SYNC: variants seen among roughly 807,000 people sequenced by gnomAD.
SYNC encodes the protein syncoilin, intermediate filament protein.
Under a neutral mutation model 49.5 loss-of-function variants are expected in SYNC, and 38 were observed. The ratio of observed to expected loss-of-function variants is 0.77; its 90% CI spans 0.59 to 1.01. The LOEUF (loss-of-function observed/expected upper bound fraction) is 1.01. Ranked by LOEUF, SYNC falls within the 50% of genes least tolerant of loss-of-function variation. The pLI is 0.00. For missense variants in SYNC, 579 were observed against 580.6 expected (o/e 1.00, Z 0.03); for synonymous variants, 201 against 230.8 (o/e 0.87, Z 1.17).
Position 32,680,440 on chromosome 1 carries a change from TGTC to T in SYNC, c.*1407_*1409del, listed in dbSNP as rs1649363935. ...CCTGACAGTTATACCACAGGTAGAC[TGTC>T]AAGTTGAGAAGAGTGAATCAATAAC... On this transcript the variant is annotated 3_prime_UTR_variant, in exon 5 of 5. Transcript: ENST00000409190. 2.0e-6 allele frequency: 3 copies of T among 1,474,204 alleles called. No individual in the cohort carries two copies. Among genetic ancestry groups the T allele is most frequent in the Non-Finnish European group, 1.8e-6 (2 of 1,108,040 alleles). The allele number at this position is 1,474,204 out of a possible 1,614,324, so 91.3% of individuals were successfully genotyped here.
At chr1:32,701,305 GCC>G (rs1650660955) in intron 1 of SYNC, among the ~76,000 whole-genome samples, 1 of 152,166 alleles carries the variant, frequency 6.6e-6, no homozygotes, top group African/African-American at 2.4e-5. Flanking sequence ...CTCCCAGACA[GCC>G]CCATGTGTGT....
chr1:32,680,457 T>C lies in SYNC; in HGVS notation c.*1393A>G. 6.6e-7 allele frequency: 1 copy of C among 1,525,410 alleles called. No individual in the cohort carries two copies. The highest frequency in any genetic ancestry group is 8.8e-7 in the Non-Finnish European group (1 of 1,136,708). The allele number at this position is 1,525,410 out of a possible 1,614,324, so 94.5% of individuals were successfully genotyped here. A position where few individuals can be genotyped will look rare whatever the true frequency, so the allele number is the denominator to read the frequency against. ...AGGTAGACTGTCAAGTTGAGAAGAGTGAATCAATAACTTGTATTTGTTTTA... is the reference window on the plus strand; with the variant it reads ...AGGTAGACTGTCAAGTTGAGAAGAGCGAATCAATAACTTGTATTTGTTTTA... On this transcript the variant is annotated 3_prime_UTR_variant, in exon 5 of 5. Coordinates refer to ENST00000409190, the MANE Select transcript of SYNC (RefSeq NM_030786.3).
rs752263712 is a variant in SYNC, at chr1:32,681,833, G to C, written c.*17C>G. Reference sequence around the variant, plus strand: ...AGTTTTTTGCTGTTTCCGGGTTACAGATTTGGCCATATATTTCTAAACAGC... The same window carrying C: ...AGTTTTTTGCTGTTTCCGGGTTACACATTTGGCCATATATTTCTAAACAGC... On this transcript the variant is annotated 3_prime_UTR_variant, in exon 5 of 5. Coordinates refer to ENST00000409190, the MANE Select transcript of SYNC (RefSeq NM_030786.3). The C allele has an allele frequency of 5.1e-5, 83 of 1,614,174 alleles. 1 individual carries two copies. In the South Asian group the frequency reaches 8.0e-4, roughly 16 times the overall value.
rs1649659576 is a variant in SYNC at position 32,684,272 on chromosome 1, C to T, written c.1344G>A (p.Glu448=). 1 of 1,614,078 alleles carries T rather than the reference C, an allele frequency of 6.2e-7. No homozygotes were observed. ...CAGAAACTGACTTATAAGTAGAGAGCTCTTCAGCAAGACTGAGCCTTAGCT... is the reference window on the plus strand; with the variant it reads ...CAGAAACTGACTTATAAGTAGAGAGTTCTTCAGCAAGACTGAGCCTTAGCT... ...MEQLRLSLAE[E]LSTYKAMLLP... The change falls in exon 3 of 5, where the codon GAG becomes GAA. Residue 448 remains glutamate (E), a synonymous_variant. Coordinates refer to ENST00000409190, the MANE Select transcript of SYNC (RefSeq NM_030786.3).
At chr1:32,692,521 T>C (rs960592955) in intron 2 of SYNC, among the ~76,000 whole-genome samples, 3 of 152,216 alleles carry the variant, frequency 2.0e-5, no homozygotes, top group Non-Finnish European at 2.9e-5. Flanking sequence ...CTGAGGCCGG[T>C]GGATCACCTG....
In SYNC at chr1:32,702,534, C is replaced by CG; in HGVS notation, c.53+73dup. ...TAGACAGGCGAAAGACGCCCGCGGT[C>CG]GGGGGGAAAGGGAACCCGTCCAGCA... On this transcript the variant is annotated intron_variant, in intron 1 of 4. Transcript: ENST00000409190. The surrounding 1 kb of genome is among the most constrained non-coding windows in gnomAD (Gnocchi z 6.2). The CG allele has an allele frequency of 1.7e-6, 2 of 1,152,950 alleles. No individual in the cohort carries two copies. The highest frequency in any genetic ancestry group is 4.3e-5 in the South Asian group (1 of 23,076). 71.4% of individuals were successfully genotyped at this position (1,152,950 alleles called of 1,614,324 possible). A position where few individuals can be genotyped will look rare whatever the true frequency, so the allele number is the denominator to read the frequency against.
Position 32,680,196 on chromosome 1 carries a change from A to T in SYNC, c.*1654T>A. The stretch of plus-strand genomic sequence containing the variant: ...CTGACTTTCCAGGATGCACATTTTC[A>T]TACGTAGACCAGTTTCCTCTTGGTT... On this transcript the variant is annotated 3_prime_UTR_variant, in exon 5 of 5. Transcript: ENST00000409190. The T allele has an allele frequency of 1.6e-5, 18 of 1,106,702 alleles. No homozygotes were observed. The highest frequency in any genetic ancestry group is 2.0e-5 in the Non-Finnish European group (18 of 907,930). The allele number at this position is 1,106,702 out of a possible 1,614,324, so 68.6% of individuals were successfully genotyped here.
Position 32,695,907 on chromosome 1 carries a change from G to C in SYNC, c.191C>G (p.Thr64Arg), listed in dbSNP as rs1312118262. ...ATAGAGTGTCTCATCAAGGTCACCTGTGTCCTCCAGGTAGAGAATGTCTTC... is the reference window on the plus strand; with the variant it reads ...ATAGAGTGTCTCATCAAGGTCACCTCTGTCCTCCAGGTAGAGAATGTCTTC... The part of the protein sequence containing the change: ...NLEDILYLED[T>R]GDLDETLYVQ... Residue 64 changes from threonine to arginine, a missense_variant, in exon 2 of 5, where the codon ACA (threonine) becomes AGA (arginine). Physicochemically the swap from Thr to Arg is moderately conservative, Grantham distance 71 (BLOSUM62 -1). Transcript: ENST00000409190. 5 of 1,551,800 alleles carry C rather than the reference G, an allele frequency of 3.2e-6. No individual in the cohort carries two copies. The Admixed American group carries it at 9.8e-5, about 30-fold the overall frequency.
Position 32,695,701 on chromosome 1 carries a change from G to C in SYNC, c.397C>G (p.Pro133Ala), listed in dbSNP as rs781395854. 7.1e-6 allele frequency: 11 copies of C among 1,551,312 alleles called. No homozygotes were observed. The highest frequency in any genetic ancestry group is 1.2e-5 in the South Asian group (1 of 84,052). The stretch of plus-strand genomic sequence containing the variant: ...TCTCCCTCATAAACAACGTGCTCTG[G>C]GCTTGTGGGCTTTCCTGGCTCCACG... ...GPVEPGKPTSPEHVVYEGETV... is the reference protein window; with the variant it reads ...GPVEPGKPTSAEHVVYEGETV... The change falls in exon 2 of 5, where the codon CCA (proline) becomes GCA (alanine). Residue 133 changes from proline (P) to alanine (A), a missense_variant. Coordinates refer to ENST00000409190, the MANE Select transcript of SYNC (RefSeq NM_030786.3).
chr1:32,695,811 T>C lies in SYNC; in HGVS notation c.287A>G (p.His96Arg). The C allele has an allele frequency of 1.3e-6, 2 of 1,551,816 alleles. No homozygotes were observed. The highest frequency in any genetic ancestry group is 2.4e-5 in the South Asian group (2 of 84,058). Residue 96 changes from histidine (H) to arginine (R), a missense_variant, in exon 2 of 5, where the codon CAT (histidine) becomes CGT (arginine). His to Arg is a conservative substitution (Grantham distance 29, BLOSUM62 0). Transcript: ENST00000409190. Reference protein sequence around the residue: ...EEAMQPDEALHVEEPGNPEET... With the variant: ...EEAMQPDEALRVEEPGNPEET... ...CTCTGGATTCCCAGGCTCCTCCACA[T>C]GCAGAGCCTCATCTGGCTGCATGGC...
chr1:32,691,224 C>CA lies in SYNC; in HGVS notation c.1233+3640dup, dbSNP rs989339096. 2.7e-4 allele frequency among the ~76,000 whole-genome samples: 36 copies of CA among 132,558 alleles called. 2 individuals carry two copies. The highest frequency in any genetic ancestry group is 1.7e-3 in the East Asian group (7 of 4,046). The allele number at this position is 132,558 out of a possible 152,430, so 87.0% of individuals were successfully genotyped here. On this transcript the variant is annotated intron_variant, in intron 2 of 4. Coordinates refer to ENST00000409190, the MANE Select transcript of SYNC (RefSeq NM_030786.3). Reference sequence around the variant, plus strand: ...CAGAGCGAGACTCCTTCTCAAAAAACAAAAAAAAACAACAAAAAAAATTTG... The same window carrying CA: ...CAGAGCGAGACTCCTTCTCAAAAAACAAAAAAAAAACAACAAAAAAAATTTG...
intron 2 of SYNC, 62 bp from the exon 3 acceptor site, chr1:32,684,444 TCTTA>T (rs1223213791): frequency 3.2e-5 from 51 of 1,607,372 alleles, no homozygotes; most frequent in African/African-American, 9.4e-5. Flanking sequence ...CATTGTCCAC[TCTTA>T]CTTATAAAAC....
intron 1 of SYNC, among the ~76,000 whole-genome samples, chr1:32,696,963 G>A (rs1650460339): frequency 1.4e-5 from 2 of 146,932 alleles, no homozygotes; most frequent in South Asian, 2.2e-4. Context: ...GGCCAGGCTG[G>A]TCTCAAACTC....
chr1:32,680,101 G>A lies in SYNC; in HGVS notation c.*1749C>T. On this transcript the variant is annotated 3_prime_UTR_variant, in exon 5 of 5. Transcript: ENST00000409190. ...GAGCCATGAAGTATAAATACTGAAA[G>A]ATGTCACTTTTATTCAGGAAATAGG... 2 of 1,063,476 alleles carry A rather than the reference G, an allele frequency of 1.9e-6. No homozygotes were observed. The highest frequency in any genetic ancestry group is 2.3e-6 in the Non-Finnish European group (2 of 881,288). 65.9% of individuals were successfully genotyped at this position (1,063,476 alleles called of 1,614,324 possible).
chr1:32,687,902 T>G (rs563661239), intron 2 of SYNC, among the ~76,000 whole-genome samples: 31 of 139,590 alleles, frequency 2.2e-4, no homozygotes, highest in African/African-American at 7.8e-4. Flanking sequence ...CAGGCTGGAG[T>G]GCGCTGGCAC....
intron 2 of SYNC, among the ~76,000 whole-genome samples, chr1:32,688,060 C>A (rs1318026902): frequency 6.6e-6 from 1 of 151,766 alleles, no homozygotes; most frequent in Non-Finnish European, 1.5e-5. Flanking sequence ...GTCTTGAACT[C>A]CTGACCTCAG....
intron 4 of SYNC, 111 bp from the exon 5 acceptor site, chr1:32,681,971 C>CT: frequency 2.1e-6 from 2 of 961,512 alleles, no homozygotes; most frequent in South Asian, 2.9e-5. Context: ...TCAGGGATGA[C>CT]TTTCCCCTAG....
chr1:32,699,152 TC>T (rs1650567824), intron 1 of SYNC, among the ~76,000 whole-genome samples: 1 of 77,922 alleles, frequency 1.3e-5, no homozygotes, highest in Non-Finnish European at 2.6e-5. Context: ...ACTTTTCTTT[TC>T]TTTTTTTTTT....
rs973001298 is a variant in SYNC at position 32,684,695 on chromosome 1, A to G, written c.1234-313T>C. The G allele has an allele frequency of 3.8e-5, 10 of 266,338 alleles. No individual in the cohort carries two copies. The East Asian group carries it at 8.3e-4, about 22-fold the overall frequency. The allele number at this position is 266,338 out of a possible 1,614,324, so 16.5% of individuals were successfully genotyped here. ...GTGTCATTGAGGAGGATTTTGGTCT[A>G]GTTAGTGGGCTGAGTTTCATATACC... is the stretch of plus-strand genomic sequence containing the variant. On this transcript the variant is annotated intron_variant, in intron 2 of 4. Coordinates refer to ENST00000409190, the MANE Select transcript of SYNC (RefSeq NM_030786.3).
Sources: allele counts gnomAD v4.1 joint callset (sites outside exome capture counted in the v4.1 genomes callset), GRCh38; gene constraint gnomAD v4.1.1; non-coding constraint Gnocchi (gnomAD v3.1); transcripts MANE v1.5; gene names NCBI Gene and HGNC (gene_info 2026-07-23, HGNC 2026-07-21).